Variants in ISCA1 observed in about 807,000 individuals in gnomAD.
The protein encoded by ISCA1 is iron-sulfur cluster assembly 1.
A neutral mutation model predicts 14.7 loss-of-function variants in ISCA1; 9 were observed. That is an observed-to-expected ratio of 0.61 (90% CI 0.37 to 1.07). ISCA1 has a LOEUF of 1.07. Ranked by LOEUF, ISCA1 falls within the 50% of genes least tolerant of loss-of-function variation. The pLI is 0.01. For synonymous variants in ISCA1, 38 were observed against 54.3 expected, an observed-to-expected ratio of 0.70 and a Z score of 1.32; for missense variants, 102 against 150.1, an observed-to-expected ratio of 0.68 and a Z score of 1.67.
At position 86,265,758 on chromosome 9, in the gene ISCA1, T is replaced by C; in HGVS notation, c.*285A>G. On this transcript the variant is annotated 3_prime_UTR_variant, in exon 4 of 4. Transcript: ENST00000375991. Reference sequence around the variant, plus strand: ...ATAGCGATCTAAGGAGTGCACACAGTTCAGGAAATGGATAAACAGGTGCCC... The same window carrying C: ...ATAGCGATCTAAGGAGTGCACACAGCTCAGGAAATGGATAAACAGGTGCCC... The C allele has an allele frequency of 2.1e-6, 1 of 474,616 alleles. No homozygotes were observed. The highest frequency in any genetic ancestry group is 4.0e-6 in the Non-Finnish European group (1 of 253,018). The allele number at this position is 474,616 out of a possible 1,614,324, so 29.4% of individuals were successfully genotyped here.
At chr9:86,266,304 C>A (rs976698757) in intron 3 of ISCA1, 113 bp from the exon 4 acceptor site, 26 of 1,437,650 alleles carry the variant, frequency 1.8e-5, no homozygotes, top group Admixed American at 2.7e-5. Context: ...AAACAAGAAG[C>A]CTTGAACATT....
chr9:86,277,730 C>T (rs187026067), intron 1 of ISCA1, among the ~76,000 whole-genome samples: 1 of 152,278 alleles, frequency 6.6e-6, no homozygotes, highest in Non-Finnish European at 1.5e-5. Flanking sequence ...ATGAATATAG[C>T]TTACCTGAGA....
rs373990241 is a variant in ISCA1 at position 86,272,692 on chromosome 9, T to C, written c.136-580A>G. On this transcript the variant is annotated intron_variant, in intron 2 of 3. Coordinates refer to ENST00000375991, the MANE Select transcript of ISCA1 (RefSeq NM_030940.4). ...GTCATCCCTTAGTATGCATGGGAAA[T>C]TGGTTCCAGGACTAACTGAGTATAC... Among the ~76,000 whole-genome samples, 6 of 152,302 alleles carry C rather than the reference T, an allele frequency of 3.9e-5. No homozygotes were observed. In the East Asian group the frequency reaches 5.8e-4, roughly 15 times the overall value.
At chr9:86,276,510 CT>C (rs1369182925) in intron 1 of ISCA1, among the ~76,000 whole-genome samples, 1 of 152,146 alleles carries the variant, frequency 6.6e-6, no homozygotes, top group African/African-American at 2.4e-5. Flanking sequence ...TAATCACTTA[CT>C]GTCAAATAAA....
intron 1 of ISCA1, among the ~76,000 whole-genome samples, chr9:86,281,227 CA>C (rs2131229193): frequency 6.6e-6 from 1 of 152,236 alleles, no homozygotes; most frequent in East Asian, 1.9e-4. Flanking sequence ...GATACATAAT[CA>C]GTACACTAGT....
chr9:86,269,459 G>A (rs961841086), intron 3 of ISCA1, among the ~76,000 whole-genome samples: 36 of 152,052 alleles, frequency 2.4e-4, no homozygotes, highest in African/African-American at 8.5e-4. Context: ...ACAAATGGAA[G>A]AACATTCCAT....
chr9:86,271,074 C>T (rs1462259692), intron 3 of ISCA1, among the ~76,000 whole-genome samples: 1 of 150,612 alleles, frequency 6.6e-6, no homozygotes, highest in African/African-American at 2.5e-5. Flanking sequence ...CACATGTACC[C>T]TAAAACTTAA....
chr9:86,282,536 A>C lies in ISCA1; in HGVS notation c.-78T>G. 4 of 1,549,118 alleles carry C rather than the reference A, an allele frequency of 2.6e-6. No individual in the cohort carries two copies. Among genetic ancestry groups the C allele is most frequent in the Non-Finnish European group, 3.5e-6 (4 of 1,146,322 alleles). ...TTCTCTCCATGGACACGGCGGGCGC[A>C]TTGACGCCACAAGCTTCGGCGCACG... On this transcript the variant is annotated 5_prime_UTR_variant, in exon 1 of 4. It removes an upstream start codon present in the reference 5' UTR. Transcript: ENST00000375991.
At chr9:86,271,889 C>T (rs1825374386) in intron 3 of ISCA1, 118 bp downstream of exon 3, 1 of 639,258 alleles carries the variant, frequency 1.6e-6, no homozygotes, top group South Asian at 1.9e-5. Flanking sequence ...CACCTACACA[C>T]ACAGTGAGCA....
chr9:86,277,054 A>AT (rs532473362), intron 1 of ISCA1, among the ~76,000 whole-genome samples: 177 of 151,910 alleles, frequency 1.2e-3, no homozygotes, highest in Non-Finnish European at 2.0e-3. Flanking sequence ...CAAATATATA[A>AT]TTTTTTTTAT....
chr9:86,275,397 G>A (rs1018735831), intron 1 of ISCA1, among the ~76,000 whole-genome samples: 1 of 152,116 alleles, frequency 6.6e-6, no homozygotes, highest in African/African-American at 2.4e-5. Context: ...AGACTTGGTA[G>A]TAAACTGAGG....
At chr9:86,270,607 GACT>G (rs1825356975) in intron 3 of ISCA1, among the ~76,000 whole-genome samples, 1 of 151,950 alleles carries the variant, frequency 6.6e-6, no homozygotes, top group African/African-American at 2.4e-5. Context: ...ATACCCAAAG[GACT>G]ACAAATCATG....
At chr9:86,277,917 TA>T (rs1825459041) in intron 1 of ISCA1, among the ~76,000 whole-genome samples, 1 of 152,318 alleles carries the variant, frequency 6.6e-6, no homozygotes, top group Middle Eastern at 3.4e-3. Context: ...CTGTTAAAAT[TA>T]AGGGAAAAGG....
intron 1 of ISCA1, among the ~76,000 whole-genome samples, chr9:86,279,680 T>C (rs1423114037): frequency 2.0e-5 from 3 of 152,236 alleles, no homozygotes; most frequent in Non-Finnish European, 4.4e-5. Context: ...TCTCTACTTA[T>C]TAGACCCAAG....
At chr9:86,271,928 T>G in intron 3 of ISCA1, 79 bp downstream of exon 3, 1 of 763,278 alleles carries the variant, frequency 1.3e-6, no homozygotes, top group Non-Finnish European at 2.3e-6. Context: ...CTACTATCCT[T>G]ATTTTTTACT....
At chr9:86,282,282 G>A in intron 1 of ISCA1, 96 bp downstream of exon 1, 1 of 1,340,240 alleles carries the variant, frequency 7.5e-7, no homozygotes, top group Non-Finnish European at 1.0e-6. Flanking sequence ...ACGTGTCCGC[G>A]TCCCTGCGGC....
intron 3 of ISCA1, among the ~76,000 whole-genome samples, chr9:86,269,313 C>T (rs1387841444): frequency 6.6e-6 from 1 of 152,148 alleles, no homozygotes; most frequent in Non-Finnish European, 1.5e-5. Flanking sequence ...AACAGAGAGT[C>T]AAATCATGAG....
chr9:86,275,491 G>C (rs751281411), intron 1 of ISCA1, among the ~76,000 whole-genome samples: 1 of 152,202 alleles, frequency 6.6e-6, no homozygotes, highest in Non-Finnish European at 1.5e-5. Flanking sequence ...GGCTCAGCTA[G>C]ATGAGCATGC....
intron 2 of ISCA1, among the ~76,000 whole-genome samples, chr9:86,272,668 T>C (rs1825385989): frequency 6.6e-6 from 1 of 152,210 alleles, no homozygotes; most frequent in African/African-American, 2.4e-5. Context: ...TTAAATACAG[T>C]CATCCCTTAG....
Sources: gnomAD v4.1 joint callset for allele counts (sites outside exome capture counted in the v4.1 genomes callset) on GRCh38, gnomAD v4.1.1 for gene constraint, MANE v1.5 for transcripts, NCBI Gene and HGNC (gene_info 2026-07-23, HGNC 2026-07-21) for gene names.